UPF2: variants seen among roughly 807,000 people sequenced by gnomAD.
UPF2 encodes regulator of nonsense transcripts 2.
In UPF2, 17 loss-of-function variants were observed where a neutral mutation model predicts 141.4. The observed-to-expected ratio is 0.12, with a 90% confidence interval of 0.08 to 0.18. UPF2 has a LOEUF of 0.18. Ranked by LOEUF, UPF2 falls within the 10% of genes least tolerant of loss-of-function variation. UPF2 has a pLI of 1.00. For synonymous variants in UPF2, 540 were observed against 498.0 expected, an observed-to-expected ratio of 1.08 and a Z score of -1.12; for missense variants, 1,152 against 1,515.9, an observed-to-expected ratio of 0.76 and a Z score of 3.99.
rs1453561131 is a variant in UPF2 at position 12,019,639 on chromosome 10, T to C, written c.1146-5455A>G. Among the ~76,000 whole-genome samples, 1 of 152,190 alleles carries C rather than the reference T, an allele frequency of 6.6e-6. No homozygotes were observed. The highest frequency in any genetic ancestry group is 1.9e-4 in the East Asian group (1 of 5,202). On this transcript the variant is annotated intron_variant, in intron 3 of 21. Coordinates refer to ENST00000357604, the MANE Select transcript of UPF2 (RefSeq NM_015542.4). The surrounding 1 kb of genome is among the most constrained non-coding windows in gnomAD (Gnocchi z 4.5). The stretch of plus-strand genomic sequence containing the variant: ...GCTTTGTTATAAAAATAAAAAAAAA[T>C]TGCCTTCCTTTCGGCAACATACGTG...
intron 5 of UPF2, among the ~76,000 whole-genome samples, chr10:12,004,146 C>A (rs1833997099): frequency 6.6e-6 from 1 of 152,072 alleles, no homozygotes; most frequent in South Asian, 2.1e-4. Flanking sequence ...CACTCTTCTT[C>A]TCAAAGAGTT....
At chr10:11,942,828 C>A (rs572022744) in intron 17 of UPF2, 65 bp from the exon 18 acceptor site, 22 of 1,455,404 alleles carry the variant, frequency 1.5e-5, no homozygotes, top group Non-Finnish European at 2.0e-5. Context: ...TAGGGCAAAG[C>A]CTTTTAGTAT....
At chr10:11,975,736 C>T (rs931336162) in intron 9 of UPF2, among the ~76,000 whole-genome samples, 4 of 151,592 alleles carry the variant, frequency 2.6e-5, no homozygotes, top group African/African-American at 9.7e-5. Flanking sequence ...AGGCTGGTCT[C>T]GAACTCCCAA....
rs376621221 is a variant in UPF2, at chr10:11,979,017, A to G, written c.1953+40T>C. The G allele has an allele frequency of 8.8e-6, 13 of 1,479,044 alleles. No individual in the cohort carries two copies. Among genetic ancestry groups the G allele is most frequent in the South Asian group, 2.3e-5 (2 of 85,836 alleles). 91.6% of individuals were successfully genotyped at this position (1,479,044 alleles called of 1,614,324 possible). A position where few individuals can be genotyped will look rare whatever the true frequency, so the allele number is the denominator to read the frequency against. ...CTTAAAGAATCCTCACTCAACGTAT[A>G]AGAATATAAATATTTCAAAATAAAT... On this transcript the variant is annotated intron_variant, in intron 9 of 21. Transcript: ENST00000357604. The surrounding 1 kb of genome is among the most constrained non-coding windows in gnomAD (Gnocchi z 6.2).
intron 3 of UPF2, among the ~76,000 whole-genome samples, chr10:12,023,688 TAA>T (rs111568431): frequency 1.7e-4 from 23 of 134,790 alleles, no homozygotes; most frequent in Admixed American, 2.3e-4. Context: ...AGACTCCATC[TAA>T]AAAAAAAAAA....
intron 18 of UPF2, 83 bp downstream of exon 18, chr10:11,942,582 A>C (rs947900806): frequency 1.6e-6 from 2 of 1,225,748 alleles, no homozygotes; most frequent in African/African-American, 3.0e-5. Context: ...CTTAGATAGG[A>C]GAGGCCTTCA....
intron 6 of UPF2, 75 bp downstream of exon 6, chr10:12,001,601 A>C (rs1833953624): frequency 1.1e-5 from 15 of 1,343,080 alleles, no homozygotes; most frequent in Non-Finnish European, 1.5e-5. Flanking sequence ...TAAGGAGAAA[A>C]GATCTATATT....
chr10:12,041,249 A>G (rs1834729668), intron 1 of UPF2, among the ~76,000 whole-genome samples: 2 of 152,208 alleles, frequency 1.3e-5, no homozygotes, highest in Admixed American at 1.3e-4. Context: ...TACAATTTTA[A>G]ATAGGTCCTT....
chr10:12,002,299 A>T (rs1833966508), intron 5 of UPF2, among the ~76,000 whole-genome samples: 1 of 152,190 alleles, frequency 6.6e-6, no homozygotes. Context: ...ATGCTCATTG[A>T]GAACGAAGGC....
chr10:11,975,291 T>A (rs1369249212), intron 9 of UPF2, among the ~76,000 whole-genome samples: 1 of 152,048 alleles, frequency 6.6e-6, no homozygotes, highest in African/African-American at 2.4e-5. Flanking sequence ...GTCCCCCTCA[T>A]CACTAAAGAA....
chr10:12,008,808 G>A (rs942492127), intron 4 of UPF2, among the ~76,000 whole-genome samples: 4 of 152,012 alleles, frequency 2.6e-5, no homozygotes, highest in South Asian at 4.2e-4. Context: ...AGTCCCGCAT[G>A]CATTAGGTAT....
rs1348151984 is a variant in UPF2 at position 11,979,393 on chromosome 10, C to G, written c.1845-228G>C. Among the ~76,000 whole-genome samples the G allele has an allele frequency of 5.9e-5, 9 of 152,142 alleles. No individual in the cohort carries two copies. The highest frequency in any genetic ancestry group is 1.3e-4 in the Non-Finnish European group (9 of 68,020). On this transcript the variant is annotated intron_variant, in intron 8 of 21. Transcript: ENST00000357604. This position sits in a 1 kb window ranked among gnomAD's most constrained non-coding sequence, Gnocchi z 6.2. ...TCCATTCCGTGAATTTACTGCACATCTGTAGTTTTATTATGTAATTTTGAT... is the reference window on the plus strand; with the variant it reads ...TCCATTCCGTGAATTTACTGCACATGTGTAGTTTTATTATGTAATTTTGAT...
intron 11 of UPF2, among the ~76,000 whole-genome samples, chr10:11,960,709 G>T (rs1318356294): frequency 6.6e-6 from 1 of 151,218 alleles, no homozygotes; most frequent in Non-Finnish European, 1.5e-5. Flanking sequence ...GTTCAAGGCC[G>T]CAGTGAGCTA....
Position 11,920,711 on chromosome 10 carries a change from A to T in UPF2, c.*587T>A, listed in dbSNP as rs1224769513. On this transcript the variant is annotated 3_prime_UTR_variant, in exon 22 of 22. Coordinates refer to ENST00000357604, the MANE Select transcript of UPF2 (RefSeq NM_015542.4). ...TCATCCCTTGTTCCTCTTGAAACAA[A>T]TTCCTAAACAAAAGCCTTCCTGGTG... 1 of 258,726 alleles carries T rather than the reference A, an allele frequency of 3.9e-6. No individual in the cohort carries two copies. Among genetic ancestry groups the T allele is most frequent in the Non-Finnish European group, 7.7e-6 (1 of 130,530 alleles). The allele number at this position is 258,726 out of a possible 1,614,324, so 16.0% of individuals were successfully genotyped here.
chr10:11,977,585 G>A (rs1833526396), intron 9 of UPF2, among the ~76,000 whole-genome samples: 1 of 152,172 alleles, frequency 6.6e-6, no homozygotes. Flanking sequence ...TTAATTTGGG[G>A]ATTGGCTGAG....
chr10:11,993,536 A>C (rs1224264065), intron 8 of UPF2, among the ~76,000 whole-genome samples: 7 of 151,936 alleles, frequency 4.6e-5, no homozygotes, highest in African/African-American at 7.2e-5. Flanking sequence ...CAAAAAAAAA[A>C]CCAGACAGTA....
intron 16 of UPF2, 102 bp downstream of exon 16, chr10:11,948,267 A>C (rs1833029406): frequency 3.4e-6 from 4 of 1,163,342 alleles, no homozygotes; most frequent in East Asian, 2.8e-5. Context: ...AAAAAAAAAA[A>C]AAACCAGGAG....
rs1186205644 is a variant in UPF2 at position 11,979,216 on chromosome 10, A to T, written c.1845-51T>A. 7.1e-7 allele frequency: 1 copy of T among 1,411,258 alleles called. No homozygotes were observed. Among genetic ancestry groups the T allele is most frequent in the East Asian group, 2.4e-5 (1 of 41,986 alleles). The allele number at this position is 1,411,258 out of a possible 1,614,324, so 87.4% of individuals were successfully genotyped here. On this transcript the variant is annotated intron_variant, in intron 8 of 21. Coordinates refer to ENST00000357604, the MANE Select transcript of UPF2 (RefSeq NM_015542.4). This position sits in a 1 kb window ranked among gnomAD's most constrained non-coding sequence, Gnocchi z 6.2. ...TCAAAGGAAAGACATATCAAAAATA[A>T]TTCATTTTAAAATTTAAACTTTTCA...
intron 11 of UPF2, among the ~76,000 whole-genome samples, chr10:11,962,932 C>A (rs1293866720): frequency 6.6e-6 from 1 of 152,176 alleles, no homozygotes; most frequent in African/African-American, 2.4e-5. Context: ...TCTACCTACA[C>A]TCAAAATACC....
Sources: allele counts gnomAD v4.1 joint callset (sites outside exome capture counted in the v4.1 genomes callset), GRCh38; gene constraint gnomAD v4.1.1; non-coding constraint Gnocchi (gnomAD v3.1); transcripts MANE v1.5; gene names NCBI Gene and HGNC (gene_info 2026-07-23, HGNC 2026-07-21).